Variants in NLGN4Y observed in about 807,000 individuals in gnomAD.
NLGN4Y encodes the protein neuroligin 4 Y-linked, also known as neuroligin-4, Y-linked.
Under a neutral mutation model 8.4 loss-of-function variants are expected in NLGN4Y, and 4 were observed. The ratio of observed to expected loss-of-function variants is 0.48; its 90% CI spans 0.23 to 1.09. The LOEUF (loss-of-function observed/expected upper bound fraction) is 1.09, where lower values mean the gene tolerates loss of function less well. Among genes scored for constraint, NLGN4Y ranks in the 50% least tolerant of loss-of-function variants. NLGN4Y has a pLI of 0.19. For synonymous variants in NLGN4Y, 35 were observed against 75.6 expected, an observed-to-expected ratio of 0.46 and a Z score of 2.78; for missense variants, 90 against 192.3, an observed-to-expected ratio of 0.47 and a Z score of 3.15.
chrY:14,740,735 CT>C (rs2081003841), intron 4 of NLGN4Y, among the ~76,000 whole-genome samples: 1 of 33,691 alleles, frequency 3.0e-5, no homozygotes, highest in Non-Finnish European at 7.4e-5. Context: ...AATTATTAAG[CT>C]TGATTTTCAT....
intron 1 of NLGN4Y, among the ~76,000 whole-genome samples, chrY:14,537,169 G>A: frequency 3.0e-5 from 1 of 33,481 alleles, no homozygotes; most frequent in Admixed American, 2.7e-4. Context: ...CAGGTACCTT[G>A]GGGTATTCTG....
At chrY:14,758,417 G>T in intron 4 of NLGN4Y, among the ~76,000 whole-genome samples, 1 of 33,571 alleles carries the variant, frequency 3.0e-5, no homozygotes, top group South Asian at 6.7e-4. Context: ...CCTTCAGGGG[G>T]AAACCTACAA....
intron 1 of NLGN4Y, among the ~76,000 whole-genome samples, chrY:14,545,555 GT>G (rs2080169613): frequency 3.0e-5 from 1 of 33,715 alleles, no homozygotes; most frequent in Admixed American, 2.7e-4. Context: ...TTTTTCATGT[GT>G]TTTTTGGCTG....
intron 1 of NLGN4Y, among the ~76,000 whole-genome samples, chrY:14,606,743 G>C: frequency 0.21 from 3 of 14 alleles, no homozygotes; most frequent in Admixed American, 1. Flanking sequence ...GCCATTCTGA[G>C]GTATTTTTTT....
chrY:14,738,643 G>A (rs572029326), intron 4 of NLGN4Y, among the ~76,000 whole-genome samples: 2 of 32,607 alleles, frequency 6.1e-5, no homozygotes, highest in African/African-American at 1.2e-4. Flanking sequence ...TTTCAGTAAC[G>A]TTAACTCATA....
Position 14,844,665 on chromosome Y carries a change from G to T in NLGN4Y, c.*3403G>T. ...TAATCTTTGCTAAGTAGCAAGTAAA[G>T]AAATATAGCAAGGACCCAGACTCTT... On this transcript the variant is annotated 3_prime_UTR_variant, in exon 7 of 7. Transcript: ENST00000684976. 4 of 33,822 alleles carry T rather than the reference G, an allele frequency of 1.2e-4. No individual in the cohort carries two copies. Among genetic ancestry groups the T allele is most frequent in the Non-Finnish European group, 2.9e-4 (4 of 13,605 alleles). 8.4% of individuals were successfully genotyped at this position (33,822 alleles called of 400,897 possible). A position where few individuals can be genotyped will look rare whatever the true frequency, so the allele number is the denominator to read the frequency against.
At chrY:14,664,814 T>G in intron 2 of NLGN4Y, among the ~76,000 whole-genome samples, 4 of 33,961 alleles carry the variant, frequency 1.2e-4, no homozygotes, top group Non-Finnish European at 2.9e-4. Context: ...GATGTAAGAA[T>G]GTTTAATAGA....
intron 1 of NLGN4Y, among the ~76,000 whole-genome samples, chrY:14,540,379 G>C: frequency 3.0e-5 from 1 of 32,962 alleles, no homozygotes; most frequent in Non-Finnish European, 7.5e-5. Flanking sequence ...CTGGGGGAAA[G>C]GGCAGCTGTG....
chrY:14,776,990 T>C, intron 4 of NLGN4Y, among the ~76,000 whole-genome samples: 4 of 33,175 alleles, frequency 1.2e-4, no homozygotes, highest in Admixed American at 2.8e-4. Flanking sequence ...TTCATTTCTA[T>C]GAACTCATTA....
intron 4 of NLGN4Y, among the ~76,000 whole-genome samples, chrY:14,794,284 A>C: frequency 1.2e-4 from 4 of 33,369 alleles, no homozygotes; most frequent in Admixed American, 2.8e-4. Flanking sequence ...TATTTCTTTA[A>C]ACCTGCCCAA....
At chrY:14,564,865 G>T in intron 1 of NLGN4Y, among the ~76,000 whole-genome samples, 1 of 33,415 alleles carries the variant, frequency 3.0e-5, no homozygotes, top group Non-Finnish European at 7.4e-5. Context: ...TTGCTGCTTT[G>T]CAGGCTCTGC....
At chrY:14,790,603 C>A in intron 4 of NLGN4Y, among the ~76,000 whole-genome samples, 1 of 33,825 alleles carries the variant, frequency 3.0e-5, no homozygotes, top group Non-Finnish European at 7.4e-5. Context: ...ATCCTGCAAA[C>A]CCCCAGAATA....
chrY:14,558,971 A>T (rs2080218178), intron 1 of NLGN4Y, among the ~76,000 whole-genome samples: 1 of 33,208 alleles, frequency 3.0e-5, no homozygotes, highest in African/African-American at 1.2e-4. Context: ...CCGGTTATAG[A>T]CAGATTCAGA....
chrY:14,822,968 G>C (rs2043128038), intron 4 of NLGN4Y, among the ~76,000 whole-genome samples: 1 of 33,040 alleles, frequency 3.0e-5, no homozygotes, highest in African/African-American at 1.2e-4. Flanking sequence ...TCTCCTTGAA[G>C]CTGCAGGCAA....
intron 4 of NLGN4Y, among the ~76,000 whole-genome samples, chrY:14,733,236 C>T (rs760344138): frequency 3.0e-5 from 1 of 33,713 alleles, no homozygotes; most frequent in Admixed American, 2.7e-4. Flanking sequence ...ATAGATGATG[C>T]GCTTAACATA....
intron 1 of NLGN4Y, among the ~76,000 whole-genome samples, chrY:14,555,939 G>A (rs2080209460): frequency 3.0e-5 from 1 of 32,829 alleles, no homozygotes; most frequent in Non-Finnish European, 7.5e-5. Flanking sequence ...GATGACTTGA[G>A]GTCAGGAGTT....
intron 4 of NLGN4Y, among the ~76,000 whole-genome samples, chrY:14,803,519 T>C: frequency 9.3e-5 from 3 of 32,189 alleles, no homozygotes; most frequent in African/African-American, 3.6e-4. Flanking sequence ...AATAAGTATT[T>C]TCCTGCACAA....
chrY:14,565,957 C>G (rs916259119), intron 1 of NLGN4Y, among the ~76,000 whole-genome samples: 13 of 33,262 alleles, frequency 3.9e-4, no homozygotes, highest in Non-Finnish European at 8.2e-4. Flanking sequence ...AAATCCTTTA[C>G]AGACAAGCAT....
At position 14,843,601 on chromosome Y, in the gene NLGN4Y, T is replaced by A; in HGVS notation, c.*2339T>A. 8.3e-6 allele frequency: 1 copy of A among 120,068 alleles called. No individual in the cohort carries two copies. The highest frequency in any genetic ancestry group is 1.8e-5 in the Non-Finnish European group (1 of 55,900). 29.9% of individuals were successfully genotyped at this position (120,068 alleles called of 400,897 possible). ...AAGAGTTCCTGTTAAATGAATAGCT[T>A]TAGCTTTTACAGGGGATTATGATTA... On this transcript the variant is annotated 3_prime_UTR_variant, in exon 7 of 7. Transcript: ENST00000684976.
Sources: gnomAD v4.1 joint callset for allele counts (sites outside exome capture counted in the v4.1 genomes callset) on GRCh38, gnomAD v4.1.1 for gene constraint, MANE v1.5 for transcripts, NCBI Gene and HGNC (gene_info 2026-07-23, HGNC 2026-07-21) for gene names.